Variants in DSCAM observed in about 807,000 individuals in gnomAD.
DSCAM encodes cell adhesion molecule DSCAM.
DSCAM carries 47 observed loss-of-function variants against 217.7 expected under a neutral mutation model. The ratio of observed to expected loss-of-function variants is 0.22; its 90% confidence interval spans 0.17 to 0.28. DSCAM has a LOEUF of 0.28. Ranked by LOEUF, DSCAM falls within the 10% of genes least tolerant of loss-of-function variation. DSCAM has a pLI of 1.00. For synonymous variants in DSCAM, 1,056 were observed against 1,015.3 expected, an observed-to-expected ratio of 1.04 and a Z score of -0.76; for missense variants, 2,080 against 2,618.3, an observed-to-expected ratio of 0.79 and a Z score of 4.49.
intron 3 of DSCAM, among the ~76,000 whole-genome samples, chr21:40,475,642 C>G (rs367797405): frequency 1.4e-3 from 209 of 152,256 alleles, no homozygotes; most frequent in African/African-American, 4.3e-3. Flanking sequence ...ACCAGCCTGA[C>G]CAACATGGTG....
intron 3 of DSCAM, among the ~76,000 whole-genome samples, chr21:40,517,210 G>T: frequency 6.8e-6 from 1 of 146,402 alleles, no homozygotes; most frequent in East Asian, 2.0e-4. Flanking sequence ...ACATATATAT[G>T]CACACATATA....
chr21:40,295,636 T>A (rs2073946053), intron 10 of DSCAM, among the ~76,000 whole-genome samples: 1 of 152,230 alleles, frequency 6.6e-6, no homozygotes, highest in African/African-American at 2.4e-5. Context: ...TTTAACTTTC[T>A]AAACCCACTC....
intron 11 of DSCAM, among the ~76,000 whole-genome samples, chr21:40,225,047 T>A (rs1017877924): frequency 6.6e-6 from 1 of 152,166 alleles, no homozygotes; most frequent in Non-Finnish European, 1.5e-5. Flanking sequence ...TCACACGAGG[T>A]ACACACACCA....
At chr21:40,295,521 A>AG (rs914196996) in intron 10 of DSCAM, among the ~76,000 whole-genome samples, 13 of 152,170 alleles carry the variant, frequency 8.5e-5, no homozygotes, top group African/African-American at 2.9e-4. Context: ...CAATCGCAAT[A>AG]GGACATTGGG....
chr21:40,787,259 T>A (rs566251052), intron 1 of DSCAM, among the ~76,000 whole-genome samples: 2 of 152,046 alleles, frequency 1.3e-5, no homozygotes, highest in South Asian at 2.1e-4. Flanking sequence ...CAATTTAAGG[T>A]TTTTTCCCAG....
chr21:40,135,190 G>A (rs1006367594), intron 18 of DSCAM, among the ~76,000 whole-genome samples: 16 of 152,198 alleles, frequency 1.1e-4, no homozygotes, highest in African/African-American at 2.9e-4. Context: ...AGAGCAGGCC[G>A]GTTACCCCAA....
intron 3 of DSCAM, among the ~76,000 whole-genome samples, chr21:40,560,352 T>C (rs928752168): frequency 2.0e-5 from 3 of 152,080 alleles, no homozygotes; most frequent in African/African-American, 7.2e-5. Context: ...ACCCCCTGTG[T>C]GGGGTGGAAA....
chr21:40,085,707 T>G lies in DSCAM; in HGVS notation c.4027A>C (p.Ser1343Arg), dbSNP rs1357726571. The G allele has an allele frequency of 6.3e-7, 1 of 1,587,142 alleles. No individual in the cohort carries two copies. Among genetic ancestry groups the G allele is most frequent in the African/African-American group, 1.3e-5 (1 of 74,644 alleles). Residue 1343 changes from serine to arginine, a missense_variant, in exon 23 of 33, where the codon AGC becomes CGC. By Grantham distance (110) the Ser-to-Arg change is moderately radical (BLOSUM62 -1). Coordinates refer to ENST00000400454, the MANE Select transcript of DSCAM (RefSeq NM_001389.5). ...GCTTTCACCGTGCGAATAATGAAGCTTCCGTTGCTAAAGATGCTCCTCCGC... is the reference window on the plus strand; with the variant it reads ...GCTTTCACCGTGCGAATAATGAAGCGTCCGTTGCTAAAGATGCTCCTCCGC... ...DGRRSIFSNGSFIIRTVKAED... is the reference protein window; with the variant it reads ...DGRRSIFSNGRFIIRTVKAED...
At chr21:40,566,690 T>C (rs2076767359) in intron 3 of DSCAM, among the ~76,000 whole-genome samples, 1 of 152,208 alleles carries the variant, frequency 6.6e-6, no homozygotes, top group African/African-American at 2.4e-5. Context: ...TTCAGTGGGC[T>C]GATGCCACAT....
chr21:40,695,626 T>C (rs948546937), intron 2 of DSCAM, among the ~76,000 whole-genome samples: 4 of 152,174 alleles, frequency 2.6e-5, no homozygotes, highest in South Asian at 2.1e-4. Flanking sequence ...CTTATTCGAT[T>C]ACTCATTCCA....
intron 11 of DSCAM, among the ~76,000 whole-genome samples, chr21:40,247,784 C>G (rs1420239220): frequency 6.6e-6 from 1 of 152,190 alleles, no homozygotes; most frequent in East Asian, 1.9e-4. Flanking sequence ...TAGGTGGTGC[C>G]CCAGTAGGGA....
intron 3 of DSCAM, among the ~76,000 whole-genome samples, chr21:40,407,109 C>T (rs568586186): frequency 1.3e-5 from 2 of 152,176 alleles, no homozygotes; most frequent in African/African-American, 2.4e-5. Flanking sequence ...GTATTGTATA[C>T]CTGAAAATCA....
intron 3 of DSCAM, among the ~76,000 whole-genome samples, chr21:40,570,064 A>T (rs1422395640): frequency 1.3e-5 from 2 of 152,162 alleles, no homozygotes; most frequent in African/African-American, 4.8e-5. Context: ...AGGGCAGTCC[A>T]TTGATGCAAA....
At chr21:40,181,497 G>T (rs1239058347) in intron 14 of DSCAM, among the ~76,000 whole-genome samples, 1 of 152,108 alleles carries the variant, frequency 6.6e-6, no homozygotes, top group Non-Finnish European at 1.5e-5. Flanking sequence ...GTCAAGGTAA[G>T]GTTTTTATTT....
At chr21:40,686,270 C>G (rs539471406) in intron 3 of DSCAM, among the ~76,000 whole-genome samples, 2 of 149,848 alleles carry the variant, frequency 1.3e-5, no homozygotes, top group Non-Finnish European at 3.0e-5. Context: ...CACACACACA[C>G]CCCACACACA....
chr21:40,168,686 C>G (rs2090622998), intron 15 of DSCAM, among the ~76,000 whole-genome samples: 1 of 152,092 alleles, frequency 6.6e-6, no homozygotes, highest in Non-Finnish European at 1.5e-5. Flanking sequence ...AAAAGTAAAG[C>G]TATCTTATAG....
chr21:40,147,204 G>A (rs1009416582), intron 16 of DSCAM, among the ~76,000 whole-genome samples: 5 of 152,222 alleles, frequency 3.3e-5, no homozygotes, highest in Admixed American at 1.3e-4. Context: ...AGAGTAGACA[G>A]TAAAGTCAAA....
chr21:40,675,014 A>AACACACACACACACAC (rs375640720), intron 3 of DSCAM, among the ~76,000 whole-genome samples: 3 of 129,142 alleles, frequency 2.3e-5, no homozygotes, highest in African/African-American at 7.6e-5. Flanking sequence ...TCATTATATA[A>AACACACACACACACAC]ACACACACAC....
intron 16 of DSCAM, among the ~76,000 whole-genome samples, chr21:40,166,238 G>T (rs2090593651): frequency 6.6e-6 from 1 of 152,140 alleles, no homozygotes; most frequent in East Asian, 1.9e-4. Flanking sequence ...CCTTATTGTA[G>T]TTGTTGGCTG....
Sources: gnomAD v4.1 joint callset for allele counts (sites outside exome capture counted in the v4.1 genomes callset) on GRCh38, gnomAD v4.1.1 for gene constraint, MANE v1.5 for transcripts, NCBI Gene and HGNC (gene_info 2026-07-23, HGNC 2026-07-21) for gene names.